The following TERF2 variants were observed in gnomAD, a reference collection of about 807,000 sequenced individuals.
TERF2 encodes telomeric repeat-binding factor 2.
A neutral mutation model predicts 56.1 loss-of-function variants in TERF2; 16 were observed. That is an observed-to-expected ratio of 0.29 (90% CI 0.19 to 0.43). The LOEUF is 0.43. Among genes scored for constraint, TERF2 ranks in the 20% least tolerant of loss-of-function variants. The pLI, the probability that TERF2 is intolerant of heterozygous loss-of-function variation, is 1.00. For synonymous variants in TERF2, 296 were observed against 282.1 expected (o/e 1.05, Z -0.50); for missense variants, 547 against 712.9 (o/e 0.77, Z 2.65).
intron 3 of TERF2, among the ~76,000 whole-genome samples, chr16:69,381,300 A>G (rs748428842): frequency 2.6e-3 from 392 of 152,290 alleles, no homozygotes; most frequent in Non-Finnish European, 3.5e-3. Flanking sequence ...TCTCAAGAAA[A>G]TGACTGCCAA....
chr16:69,383,080 C>G (rs181677534), intron 3 of TERF2, among the ~76,000 whole-genome samples: 192 of 152,198 alleles, frequency 1.3e-3, no homozygotes, highest in Non-Finnish European at 2.2e-3. Flanking sequence ...AATAAATACG[C>G]AGCTGAAAGA....
In TERF2 at chr16:69,384,671, T is replaced by G. The variant is rs752822110; in HGVS notation, c.515A>C (p.Glu172Ala). 1 of 1,614,158 alleles carries G rather than the reference T, an allele frequency of 6.2e-7. No homozygotes were observed. The highest frequency in any genetic ancestry group is 8.5e-7 in the Non-Finnish European group (1 of 1,180,008). The part of the protein sequence containing the change: ...FDMEAELTPL[E>A]SAINVLEMIK... ...CATCTCCAGCACATTGATAGCTGAT[T>G]CCAGTGGTGTGAGCTCAGCCTCCAT... The change falls in exon 3 of 10, where the codon GAA becomes GCA. Residue 172 changes from glutamate (E) to alanine (A), a missense_variant. By Grantham distance (107) the Glu-to-Ala change is moderately radical (BLOSUM62 -1). Around this residue, in one of 6 missense-constraint regions of TERF2, gnomAD observed 97 missense variants for 157.0 expected, o/e 0.62. Coordinates refer to ENST00000254942, the MANE Select transcript of TERF2 (RefSeq NM_005652.5).
Position 69,356,841 on chromosome 16 carries a change from CAG to C in TERF2, c.*55_*56del. On this transcript the variant is annotated 3_prime_UTR_variant, in exon 10 of 10. Transcript: ENST00000254942. Reference sequence around the variant, plus strand: ...GAAAAAGAAAGAAAGAGCAGACTATCAGGGGCTATTATTAGGAACCATGCTCC... The same window carrying C: ...GAAAAAGAAAGAAAGAGCAGACTATCGGGCTATTATTAGGAACCATGCTCC... The C allele has an allele frequency of 2.7e-6, 4 of 1,463,206 alleles. No individual in the cohort carries two copies. Among genetic ancestry groups the C allele is most frequent in the Non-Finnish European group, 3.7e-6 (4 of 1,084,010 alleles). 90.6% of individuals were successfully genotyped at this position (1,463,206 alleles called of 1,614,324 possible). A position where few individuals can be genotyped will look rare whatever the true frequency, so the allele number is the denominator to read the frequency against.
chr16:69,385,774 C>T lies in TERF2; in HGVS notation c.198G>A (p.Gly66=). ...GCTCGTGGCGCCCCCGCCGGGCCCGCCCGCTACTGCGGGACGCCCGCCTGC... is the reference window on the plus strand; with the variant it reads ...GCTCGTGGCGCCCCCGCCGGGCCCGTCCGCTACTGCGGGACGCCCGCCTGC... ...AAGRRASRSS[G]RARRGRHEPG... is the part of the protein sequence containing the mutation. Residue 66 remains glycine (G), a synonymous_variant, in exon 1 of 10, where the codon GGG becomes GGA. Transcript: ENST00000254942. 1 of 1,324,916 alleles carries T rather than the reference C, an allele frequency of 7.5e-7. No individual in the cohort carries two copies. The highest frequency in any genetic ancestry group is 9.6e-7 in the Non-Finnish European group (1 of 1,040,376). 82.1% of individuals were successfully genotyped at this position (1,324,916 alleles called of 1,614,324 possible). A position where few individuals can be genotyped will look rare whatever the true frequency, so the allele number is the denominator to read the frequency against.
At position 69,357,503 on chromosome 16, in the gene TERF2, A is replaced by T. The variant is rs1567441903; in HGVS notation, c.1470+15T>A. 6.2e-7 allele frequency: 1 copy of T among 1,609,792 alleles called. No individual in the cohort carries two copies. Among genetic ancestry groups the T allele is most frequent in the Non-Finnish European group, 8.5e-7 (1 of 1,176,786 alleles). On this transcript the variant is annotated intron_variant, in intron 9 of 9. Transcript: ENST00000254942. ...ACCCACATAACCAGTAACAGAAAAG[A>T]GAATTTTAAATTACCTGCTTTTTTG...
intron 8 of TERF2, among the ~76,000 whole-genome samples, chr16:69,359,966 T>C (rs557938731): frequency 4.6e-5 from 7 of 152,122 alleles, no homozygotes; most frequent in Non-Finnish European, 1.0e-4. Flanking sequence ...TTTTGCCCTC[T>C]TGCCCAAGCT....
intron 3 of TERF2, among the ~76,000 whole-genome samples, chr16:69,373,044 G>A (rs913049489): frequency 6.6e-6 from 1 of 152,094 alleles, no homozygotes; most frequent in Non-Finnish European, 1.5e-5. Flanking sequence ...AGCAAGAGGG[G>A]GATGAGGGAG....
chr16:69,368,198 C>T (rs540967463), intron 6 of TERF2, among the ~76,000 whole-genome samples, 178 bp downstream of exon 6: 1 of 152,208 alleles, frequency 6.6e-6, no homozygotes, highest in African/African-American at 2.4e-5. Context: ...GGACCCCAGG[C>T]ATCCTGTTTC....
intron 6 of TERF2, 40 bp from the exon 7 acceptor site, chr16:69,367,239 T>C: frequency 6.4e-7 from 1 of 1,551,890 alleles, no homozygotes; most frequent in South Asian, 1.2e-5. Flanking sequence ...TTTTCACCAC[T>C]GATGATGCTC....
chr16:69,384,622 T>A lies in TERF2; in HGVS notation c.564A>T (p.Thr188=). The A allele has an allele frequency of 6.2e-7, 1 of 1,614,200 alleles. No individual in the cohort carries two copies. The highest frequency in any genetic ancestry group is 1.1e-5 in the South Asian group (1 of 91,078). Reference sequence around the variant, plus strand: ...TTCTACTGGATTCGACCACTGCTTCTGTCAGTGTAAATTCCGTTTTAATCA... The same window carrying A: ...TTCTACTGGATTCGACCACTGCTTCAGTCAGTGTAAATTCCGTTTTAATCA... ...LEMIKTEFTL[T]EAVVESSRKL... Residue 188 remains threonine (T), a synonymous_variant, in exon 3 of 10, where the codon ACA becomes ACT. Transcript: ENST00000254942.
Position 69,373,494 on chromosome 16 carries a change from G to A in TERF2, c.607-1139C>T, listed in dbSNP as rs2013652108. Among the ~76,000 whole-genome samples the A allele has an allele frequency of 2.0e-5, 3 of 152,196 alleles. 1 individual carries two copies. The South Asian group carries it at 6.2e-4, about 31-fold the overall frequency. ...AAAGTAGCTATCTCAAATCCTGTCT[G>A]AGAGACACAGATTCTTTAAAAAGAC... On this transcript the variant is annotated intron_variant, in intron 3 of 9. Coordinates refer to ENST00000254942, the MANE Select transcript of TERF2 (RefSeq NM_005652.5).
intron 7 of TERF2, among the ~76,000 whole-genome samples, chr16:69,362,719 T>C (rs577551128): frequency 6.6e-6 from 1 of 152,334 alleles, no homozygotes; most frequent in African/African-American, 2.4e-5. Flanking sequence ...TGCATTTACC[T>C]GATTAATAAC....
intron 2 of TERF2, among the ~76,000 whole-genome samples, chr16:69,385,173 G>A (rs1227478668): frequency 6.6e-6 from 1 of 151,926 alleles, no homozygotes; most frequent in Admixed American, 6.6e-5. Flanking sequence ...TAACAGGTGG[G>A]AGAAGATTTA....
At chr16:69,361,239 A>G (rs1356901440) in intron 8 of TERF2, 165 bp downstream of exon 8, 3 of 258,122 alleles carry the variant, frequency 1.2e-5, no homozygotes, top group East Asian at 7.7e-5. Context: ...CTGAAAAAGG[A>G]AAAAAAAAAA....
Position 69,370,529 on chromosome 16 carries a change from C to A in TERF2, c.794G>T (p.Arg265Leu), listed in dbSNP as rs763347805. Residue 265 changes from arginine (R) to leucine (L), a missense_variant, in exon 5 of 10, where the codon CGC becomes CTC. This residue lies in a region of TERF2 where 97 missense variants were observed against 157.0 expected (regional missense o/e 0.62). Coordinates refer to ENST00000254942, the MANE Select transcript of TERF2 (RefSeq NM_005652.5). The stretch of plus-strand genomic sequence containing the variant: ...GTCATCCAGGTGGCTCTCCAGGAAG[C>A]GCAGCATCTTCTGCTGGAAGGTCTC... ...SYETFQQKML[R>L]FLESHLDDAE... The A allele has an allele frequency of 6.2e-7, 1 of 1,614,060 alleles. No homozygotes were observed. The highest frequency in any genetic ancestry group is 1.7e-5 in the Admixed American group (1 of 59,994).
Position 69,385,951 on chromosome 16 carries a change from C to A in TERF2, c.21G>T (p.Thr7=), listed in dbSNP as rs1297932998. The change falls in exon 1 of 10, where the codon ACG becomes ACT. Residue 7 remains threonine (T), a synonymous_variant. Transcript: ENST00000254942. MAAGAG[T]AGPASGPGVV... is the part of the protein sequence containing the mutation. ...CGCCCGGGCCGGAAGCGGGGCCCGC[C>A]GTCCCGGCTCCCGCGGCCATGATAG... is the stretch of plus-strand genomic sequence containing the variant. 2 of 1,361,996 alleles carry A rather than the reference C, an allele frequency of 1.5e-6. No individual in the cohort carries two copies. The highest frequency in any genetic ancestry group is 1.9e-6 in the Non-Finnish European group (2 of 1,057,188). The allele number at this position is 1,361,996 out of a possible 1,614,324, so 84.4% of individuals were successfully genotyped here.
chr16:69,375,280 G>A (rs1040189801), intron 3 of TERF2, among the ~76,000 whole-genome samples: 1 of 152,216 alleles, frequency 6.6e-6, no homozygotes, highest in Non-Finnish European at 1.5e-5. Context: ...GAATAGGATT[G>A]CATGGTCTCA....
In TERF2 at chr16:69,385,868, TC is replaced by T; in HGVS notation, c.103del (p.Glu35ArgfsTer124). The T allele has an allele frequency of 2.2e-6, 3 of 1,369,280 alleles. No individual in the cohort carries two copies. The highest frequency in any genetic ancestry group is 1.5e-5 in the African/African-American group (1 of 65,990). The allele number at this position is 1,369,280 out of a possible 1,614,324, so 84.8% of individuals were successfully genotyped here. A position where few individuals can be genotyped will look rare whatever the true frequency, so the allele number is the denominator to read the frequency against. ...PRKRPGREGG[E>X]GARRSDTMAG... The stretch of plus-strand genomic sequence containing the variant: ...CATCGTGTCCGATCGCCGCGCGCCC[TC>T]CCCGCCCTCCCGGCCGGGCCGCTTC... On this transcript the variant is annotated frameshift_variant, in exon 1 of 10. Transcript: ENST00000254942. LOFTEE classifies it high-confidence loss of function.
At chr16:69,358,081 C>T (rs1259581833) in intron 8 of TERF2, among the ~76,000 whole-genome samples, 4 of 151,878 alleles carry the variant, frequency 2.6e-5, no homozygotes, top group South Asian at 2.1e-4. Flanking sequence ...GGAGCGATCT[C>T]GGCTCACTGC....
Sources: gnomAD v4.1 joint callset for allele counts (sites outside exome capture counted in the v4.1 genomes callset) on GRCh38, gnomAD v4.1.1 for gene constraint, gnomAD v4.1.1 regional missense constraint, MANE v1.5 for transcripts, NCBI Gene and HGNC (gene_info 2026-07-23, HGNC 2026-07-21) for gene names.